Variants in CYRIB observed in about 807,000 individuals in gnomAD.
CYRIB encodes CYFIP related Rac1 interactor B.
A neutral mutation model predicts 44.2 loss-of-function variants in CYRIB; 8 were observed. That is an observed-to-expected ratio of 0.18 (90% CI 0.11 to 0.33). CYRIB has a LOEUF of 0.33. Among genes scored for constraint, CYRIB ranks in the 10% least tolerant of loss-of-function variants. The probability of loss-of-function intolerance (pLI) is 1.00; values close to 1 mark genes in which losing one functional copy is unlikely to be tolerated. For missense variants in CYRIB, 185 were observed against 382.8 expected, an observed-to-expected ratio of 0.48 and a Z score of 4.31; for synonymous variants, 131 against 127.2, an observed-to-expected ratio of 1.03 and a Z score of -0.20.
At chr8:129,967,618 A>G (rs2095537307) in intron 2 of CYRIB, among the ~76,000 whole-genome samples, 1 of 151,944 alleles carries the variant, frequency 6.6e-6, no homozygotes, top group Non-Finnish European at 1.5e-5. Context: ...TGACCTCATG[A>G]TCCGCCTGCC....
At chr8:129,931,027 A>G (rs189411618) in intron 1 of CYRIB, among the ~76,000 whole-genome samples, 2 of 152,330 alleles carry the variant, frequency 1.3e-5, no homozygotes, top group Non-Finnish European at 2.9e-5. Context: ...TTCAAATATA[A>G]CAAATAATAT....
chr8:130,001,772 A>T (rs2096914639), intron 1 of CYRIB, among the ~76,000 whole-genome samples: 2 of 151,906 alleles, frequency 1.3e-5, no homozygotes, highest in Non-Finnish European at 1.5e-5. Flanking sequence ...AAGCCACTGC[A>T]CCCGGCCCTG....
intron 2 of CYRIB, among the ~76,000 whole-genome samples, chr8:129,960,886 G>T (rs982725316): frequency 2.0e-5 from 3 of 148,802 alleles, no homozygotes; most frequent in African/African-American, 7.5e-5. Flanking sequence ...GGAGGCGGAG[G>T]TTGCAGTGAG....
chr8:130,006,605 T>TATATATACACAC lies in CYRIB; in HGVS notation c.-296+9764_-296+9765insGTGTGTATATAT, dbSNP rs374570395. Among the ~76,000 whole-genome samples the TATATATACACAC allele has an allele frequency of 3.3e-3, 77 of 23,322 alleles. 9 individuals carry two copies. In the African/African-American group the frequency reaches 0.04, roughly 12 times the overall value. The allele number at this position is 23,322 out of a possible 152,430, so 15.3% of individuals were successfully genotyped here. On this transcript the variant is annotated intron_variant, in intron 1 of 14. Coordinates refer to the CYRIB transcript ENST00000401979. ...ACTAAAAACACAAATTATATATATA[T>TATATATACACAC]ACATATATATGTGTATATATATACA... is the stretch of plus-strand genomic sequence containing the variant.
chr8:130,006,729 C>T (rs2097110925), intron 1 of CYRIB, among the ~76,000 whole-genome samples: 1 of 138,904 alleles, frequency 7.2e-6, no homozygotes. Context: ...GTAAGCACAC[C>T]CAAGGTATGA....
At chr8:129,999,055 GC>G (rs2133805635) in intron 1 of CYRIB, among the ~76,000 whole-genome samples, 1 of 152,184 alleles carries the variant, frequency 6.6e-6, no homozygotes, top group South Asian at 2.1e-4. Context: ...TCTATTCATA[GC>G]CGTCTGTTCC....
At chr8:129,994,674 C>A (rs932533867) in intron 1 of CYRIB, among the ~76,000 whole-genome samples, 1 of 152,216 alleles carries the variant, frequency 6.6e-6, no homozygotes, top group Non-Finnish European at 1.5e-5. Flanking sequence ...TGGCGGTACA[C>A]ACCAGTCAGG....
intron 2 of CYRIB, among the ~76,000 whole-genome samples, chr8:129,960,833 C>A (rs1400373023): frequency 1.3e-5 from 2 of 149,892 alleles, no homozygotes; most frequent in Non-Finnish European, 3.0e-5. Context: ...CACCTGTAAC[C>A]CCAGCTCTCA....
Position 129,937,767 on chromosome 8 carries a change from T to C in CYRIB, c.-50+1841A>G, listed in dbSNP as rs542663136. Among the ~76,000 whole-genome samples the C allele has an allele frequency of 6.6e-5, 10 of 152,348 alleles. No homozygotes were observed. In the South Asian group the frequency reaches 1.7e-3, roughly 25 times the overall value. ...TATATAATCTAGAATTCATACTATA[T>C]ATCCTAGAACATTTTACAAAGCAAG... On this transcript the variant is annotated intron_variant, in intron 1 of 11. Coordinates refer to ENST00000519824, the Ensembl canonical transcript of CYRIB.
intron 1 of CYRIB, among the ~76,000 whole-genome samples, chr8:130,011,741 A>G (rs112035727): frequency 0.14 from 21,911 of 151,710 alleles, 1,740 homozygotes; most frequent in South Asian, 0.27. Context: ...GCTGAGGCAG[A>G]AGAATGGCAT....
At position 130,011,246 on chromosome 8, in the gene CYRIB, C is replaced by T. The variant is rs183437497; in HGVS notation, c.-296+5124G>A. ...TTTCAAGAACGCTGAGGCGGCCAGG[C>T]GTAATGGCTCATGCCTGTAATCCCA... On this transcript the variant is annotated intron_variant, in intron 1 of 14. Coordinates refer to the CYRIB transcript ENST00000401979. Among the ~76,000 whole-genome samples the T allele has an allele frequency of 1.4e-4, 22 of 152,224 alleles. 1 individual carries two copies. In the East Asian group the frequency reaches 3.9e-3, roughly 27 times the overall value.
chr8:129,893,282 CA>C (rs2066281996), intron 2 of CYRIB, among the ~76,000 whole-genome samples: 1 of 152,174 alleles, frequency 6.6e-6, no homozygotes, highest in African/African-American at 2.4e-5. Flanking sequence ...ATTTACTTAG[CA>C]CCTGTCTGCC....
chr8:130,000,982 C>T (rs753311957), intron 1 of CYRIB, among the ~76,000 whole-genome samples: 3 of 152,202 alleles, frequency 2.0e-5, no homozygotes, highest in Non-Finnish European at 4.4e-5. Flanking sequence ...TTGGTACCTA[C>T]CTACCAGGTA....
chr8:130,011,023 G>C (rs1223286313), intron 1 of CYRIB, among the ~76,000 whole-genome samples: 1 of 152,112 alleles, frequency 6.6e-6, no homozygotes, highest in Non-Finnish European at 1.5e-5. Flanking sequence ...CTACCACCTA[G>C]AAGCCTCCGG....
chr8:129,983,176 T>C (rs2096308164), intron 1 of CYRIB, among the ~76,000 whole-genome samples: 1 of 152,186 alleles, frequency 6.6e-6, no homozygotes, highest in African/African-American at 2.4e-5. Flanking sequence ...CCGGGCGCAG[T>C]GGCTCACGCC....
intron 4 of CYRIB, among the ~76,000 whole-genome samples, chr8:129,869,114 G>A (rs2055629246): frequency 1.3e-5 from 2 of 151,006 alleles, no homozygotes; most frequent in African/African-American, 2.4e-5. Flanking sequence ...GGCTGGGCGC[G>A]GTGGTTCACG....
At chr8:129,850,944 T>A (rs373160912) in intron 8 of CYRIB, 30 bp from the exon 11 acceptor site, 1 of 1,400,154 alleles carries the variant, frequency 7.1e-7, no homozygotes, top group Non-Finnish European at 1.0e-6. Flanking sequence ...ACAAAAAAAG[T>A]AAAAGTAACA....
intron 1 of CYRIB, among the ~76,000 whole-genome samples, chr8:129,924,920 G>T (rs548782897): frequency 6.6e-6 from 1 of 152,242 alleles, no homozygotes; most frequent in African/African-American, 2.4e-5. Flanking sequence ...CGAGGCTGCA[G>T]TGACTGAAAG....
chr8:129,871,201 T>G (rs1228405298), intron 4 of CYRIB, among the ~76,000 whole-genome samples, 174 bp downstream of exon 6: 1 of 152,208 alleles, frequency 6.6e-6, no homozygotes, highest in Non-Finnish European at 1.5e-5. Flanking sequence ...GGAACACAGT[T>G]TTTCCTTTTA....
Sources: gnomAD v4.1 joint callset for allele counts (sites outside exome capture counted in the v4.1 genomes callset) on GRCh38, gnomAD v4.1.1 for gene constraint, MANE v1.5 for transcripts, NCBI Gene and HGNC (gene_info 2026-07-23, HGNC 2026-07-21) for gene names.